Variants in KALRN observed in about 807,000 individuals in gnomAD.
KALRN encodes kalirin RhoGEF kinase, also known as kalirin.
Under a neutral mutation model 353.7 loss-of-function variants are expected in KALRN, and 70 were observed. The ratio of observed to expected loss-of-function variants is 0.20; its 90% CI spans 0.16 to 0.24. The LOEUF (loss-of-function observed/expected upper bound fraction) is 0.24. Among genes scored for constraint, KALRN ranks in the 10% least tolerant of loss-of-function variants. The probability of loss-of-function intolerance (pLI) is 1.00; values close to 1 mark genes in which losing one functional copy is unlikely to be tolerated. For missense variants in KALRN, 2,791 were observed against 3,756.7 expected (o/e 0.74, Z 6.72); for synonymous variants, 1,391 against 1,434.8 (o/e 0.97, Z 0.69).
chr3:124,434,594 A>T, intron 17 of KALRN, 69 bp downstream of exon 17: 1 of 1,414,102 alleles, frequency 7.1e-7, no homozygotes, highest in East Asian at 2.3e-5. Context: ...CTTGCAGTGT[A>T]AATGTGCAGT....
chr3:124,537,392 G>T (rs747266685), intron 33 of KALRN, among the ~76,000 whole-genome samples: 26 of 152,182 alleles, frequency 1.7e-4, no homozygotes, highest in Non-Finnish European at 2.6e-4. Flanking sequence ...AAAGGTACAG[G>T]AATGTAGACA....
chr3:124,635,792 A>G (rs1469559174), intron 36 of KALRN, among the ~76,000 whole-genome samples: 4 of 152,144 alleles, frequency 2.6e-5, no homozygotes, highest in East Asian at 1.9e-4. Context: ...CTAAAATTGC[A>G]TGAATTTTTT....
rs181579940 is a variant in KALRN at position 124,581,579 on chromosome 3, T to A, written c.5182+18490T>A. ...CTTGCAAAGAATTGTGACAAAAAAG[T>A]GATCCAGTGTTATCTGAACACAAAA... On this transcript the variant is annotated intron_variant, in intron 34 of 59. Transcript: ENST00000682506. Among the ~76,000 whole-genome samples the A allele has an allele frequency of 3.7e-3, 557 of 152,270 alleles. 1 individual carries two copies. The highest frequency in any genetic ancestry group is 6.8e-3 in the Middle Eastern group (2 of 294).
At chr3:124,660,526 C>T (rs963454298) in intron 43 of KALRN, among the ~76,000 whole-genome samples, 6 of 151,984 alleles carry the variant, frequency 3.9e-5, no homozygotes, top group African/African-American at 1.4e-4. Flanking sequence ...ACCGAAAATA[C>T]AAAAATTAGC....
At chr3:124,654,018 T>C (rs1218392675) in intron 38 of KALRN, among the ~76,000 whole-genome samples, 1 of 152,156 alleles carries the variant, frequency 6.6e-6, no homozygotes, top group Non-Finnish European at 1.5e-5. Flanking sequence ...AAGCCAAAGA[T>C]AGCCCTCATC....
intron 33 of KALRN, among the ~76,000 whole-genome samples, chr3:124,537,666 G>A (rs1422722672): frequency 3.3e-5 from 5 of 152,204 alleles, no homozygotes. Context: ...TAAAAGTCAA[G>A]AAGTTGGGAA....
intron 1 of KALRN, among the ~76,000 whole-genome samples, chr3:124,165,936 T>C (rs756070953): frequency 4.6e-5 from 7 of 152,120 alleles, no homozygotes; most frequent in Non-Finnish European, 1.0e-4. Context: ...ACTTCAGCCT[T>C]ACAAGCCTCC....
At chr3:124,073,035 C>T (rs1051935651) in intron 1 of KALRN, among the ~76,000 whole-genome samples, 9 of 152,182 alleles carry the variant, frequency 5.9e-5, no homozygotes, top group Non-Finnish European at 1.0e-4. Context: ...TGCAACGTTC[C>T]GATGACGGCT....
At chr3:124,093,911 G>T (rs1327628829) in intron 1 of KALRN, among the ~76,000 whole-genome samples, 1 of 152,184 alleles carries the variant, frequency 6.6e-6, no homozygotes, top group Non-Finnish European at 1.5e-5. Flanking sequence ...GGAAGGGCAG[G>T]AGCAAAGTCC....
chr3:124,144,602 C>G (rs2067071099), intron 1 of KALRN, among the ~76,000 whole-genome samples: 1 of 82,024 alleles, frequency 1.2e-5, no homozygotes, highest in Non-Finnish European at 3.0e-5. Flanking sequence ...CGTCTTCCTT[C>G]TCCTCCTCTT....
intron 13 of KALRN, among the ~76,000 whole-genome samples, chr3:124,405,641 T>G (rs1330384738): frequency 3.2e-5 from 1 of 31,678 alleles, no homozygotes; most frequent in African/African-American, 6.1e-5. Flanking sequence ...CCTCAGGGTT[T>G]TTTTTTTTTT....
intron 34 of KALRN, among the ~76,000 whole-genome samples, chr3:124,568,428 C>T (rs1322075449): frequency 7.2e-5 from 11 of 152,114 alleles, no homozygotes; most frequent in African/African-American, 2.2e-4. Flanking sequence ...GTACAGCTGC[C>T]ATGGAAAACA....
At chr3:124,474,757 C>T in intron 26 of KALRN, 25 bp downstream of exon 26, 1 of 1,582,984 alleles carries the variant, frequency 6.3e-7, no homozygotes, top group Non-Finnish European at 8.7e-7. Context: ...ATCCTTCTCC[C>T]ACTGCCCATA....
intron 25 of KALRN, among the ~76,000 whole-genome samples, chr3:124,472,227 T>G (rs2060990775): frequency 6.6e-6 from 1 of 152,144 alleles, no homozygotes; most frequent in Non-Finnish European, 1.5e-5. Context: ...ATTGTTTACT[T>G]CAAATTAAAG....
chr3:124,251,365 T>TG (rs930513796), intron 3 of KALRN, among the ~76,000 whole-genome samples: 1 of 125,172 alleles, frequency 8.0e-6, no homozygotes, highest in Non-Finnish European at 1.8e-5. Context: ...CTTTTTTTTT[T>TG]TTTTTCTTTT....
Position 124,035,825 on chromosome 3 carries a change from G to A in KALRN, c.73+2012G>A, listed in dbSNP as rs148220094. On this transcript the variant is annotated intron_variant, in intron 1 of 59. Transcript: ENST00000682506. ...GTTGGGGATATTCTCCCTCCTCCTT[G>A]GGCAGCCCAGTGGCTGAGCTAAGTC... 7.2e-3 allele frequency among the ~76,000 whole-genome samples: 1,101 copies of A among 152,264 alleles called. 3 individuals carry two copies. Among genetic ancestry groups the A allele is most frequent in the Non-Finnish European group, 0.011 (757 of 68,024 alleles).
At chr3:124,042,826 C>T in intron 1 of KALRN, among the ~76,000 whole-genome samples, 1 of 151,980 alleles carries the variant, frequency 6.6e-6, no homozygotes, top group East Asian at 1.9e-4. Flanking sequence ...GAGTCTGGAG[C>T]TTTGGAAGGA....
rs144679642 is a variant in KALRN at position 124,220,156 on chromosome 3, G to A, written c.74-7834G>A. On this transcript the variant is annotated intron_variant, in intron 1 of 59. Coordinates refer to ENST00000682506, the MANE Select transcript of KALRN (RefSeq NM_001388419.1). Reference sequence around the variant, plus strand: ...GACAGGGTTTCATTGTGTTGGCCAGGCTGGTCTCGAACACCTGACCTCGTG... The same window carrying A: ...GACAGGGTTTCATTGTGTTGGCCAGACTGGTCTCGAACACCTGACCTCGTG... 9.1e-4 allele frequency among the ~76,000 whole-genome samples: 139 copies of A among 152,168 alleles called. No individual in the cohort carries two copies. The East Asian group carries it at 0.015, about 16-fold the overall frequency.
chr3:124,241,263 G>C (rs192257742), intron 3 of KALRN, among the ~76,000 whole-genome samples: 16 of 152,198 alleles, frequency 1.1e-4, no homozygotes, highest in Admixed American at 3.9e-4. Flanking sequence ...TACTTTTCTT[G>C]TTTTTGAGCT....
Sources: allele counts gnomAD v4.1 joint callset (sites outside exome capture counted in the v4.1 genomes callset), GRCh38; gene constraint gnomAD v4.1.1; transcripts MANE v1.5; gene names NCBI Gene and HGNC (gene_info 2026-07-23, HGNC 2026-07-21).